Variants in MTUS2 observed in about 807,000 individuals in gnomAD.
The protein encoded by MTUS2 is microtubule associated scaffold protein 2.
Under a neutral mutation model 114.1 loss-of-function variants are expected in MTUS2, and 40 were observed. The observed-to-expected ratio is 0.35, with a 90% CI of 0.27 to 0.46. MTUS2 has a LOEUF of 0.46. Ranked by LOEUF, MTUS2 falls within the 20% of genes least tolerant of loss-of-function variation. MTUS2 has a pLI of 1.00. For missense variants in MTUS2, 1,679 were observed against 1,705.4 expected (o/e 0.98, Z 0.27); for synonymous variants, 688 against 672.0 (o/e 1.02, Z -0.37).
intron 5 of MTUS2, among the ~76,000 whole-genome samples, chr13:29,104,313 A>G (rs115072507): frequency 1.7e-3 from 253 of 151,940 alleles, no homozygotes; most frequent in African/African-American, 5.9e-3. Context: ...GATCAGGTTG[A>G]CTTGCCCTGG....
chr13:28,890,848 C>G (rs1262382509), intron 2 of MTUS2, among the ~76,000 whole-genome samples: 1 of 152,172 alleles, frequency 6.6e-6, no homozygotes, highest in Non-Finnish European at 1.5e-5. Context: ...AGGGATTCCA[C>G]TTCATTTGAG....
intron 1 of MTUS2, among the ~76,000 whole-genome samples, chr13:28,829,545 A>G (rs1480088337): frequency 1.3e-5 from 2 of 151,502 alleles, no homozygotes; most frequent in South Asian, 2.1e-4. Flanking sequence ...AAAAAAACAA[A>G]CAATAACTAA....
At chr13:28,952,304 C>T (rs993941079) in intron 2 of MTUS2, among the ~76,000 whole-genome samples, 2 of 152,160 alleles carry the variant, frequency 1.3e-5, no homozygotes, top group Admixed American at 6.5e-5. Flanking sequence ...ATTCTTGCTC[C>T]ATCAAATATA....
intron 5 of MTUS2, among the ~76,000 whole-genome samples, chr13:29,164,966 A>G (rs1893254934): frequency 6.6e-6 from 1 of 152,204 alleles, no homozygotes. Flanking sequence ...ATTTCTTAGA[A>G]ATTCAACTCT....
In MTUS2 at chr13:29,498,809, C is replaced by T. The variant is rs117656027; in HGVS notation, c.3798+272C>T. 5.7e-3 allele frequency among the ~76,000 whole-genome samples: 868 copies of T among 152,306 alleles called. 5 individuals are homozygous for T. The highest frequency in any genetic ancestry group is 0.031 in the Middle Eastern group (9 of 294). On this transcript the variant is annotated intron_variant, in intron 14 of 15. Coordinates refer to ENST00000612955, the MANE Select transcript of MTUS2 (RefSeq NM_001033602.4). ...TTTTCCCACAGTTGTGCTGTCTTCT[C>T]GCCCTCTCTTGGGGACGTGTGGGGA...
chr13:29,389,353 ATATATGTATGCACGTG>A (rs1872924610), intron 8 of MTUS2, among the ~76,000 whole-genome samples: 1 of 75,706 alleles, frequency 1.3e-5, no homozygotes, highest in Non-Finnish European at 2.6e-5. Context: ...ACGTGTGTGT[ATATATGTATGCACGTG>A]TGTGTATATA....
Position 29,341,756 on chromosome 13 carries a change from T to C in MTUS2, c.2905+17045T>C, listed in dbSNP as rs925600865. 2.5e-4 allele frequency among the ~76,000 whole-genome samples: 38 copies of C among 152,206 alleles called. 1 individual carries two copies. Among genetic ancestry groups the C allele is most frequent in the African/African-American group, 8.9e-4 (37 of 41,468 alleles). ...CAAGGGTTTTTCTGATGTTATCTTC[T>C]AGAATTTTTATGGTTTCTTTAATTT... is the stretch of plus-strand genomic sequence containing the variant. On this transcript the variant is annotated intron_variant, in intron 7 of 15. Coordinates refer to ENST00000612955, the MANE Select transcript of MTUS2 (RefSeq NM_001033602.4).
At chr13:29,291,870 T>C (rs1898731191) in intron 6 of MTUS2, among the ~76,000 whole-genome samples, 1 of 152,218 alleles carries the variant, frequency 6.6e-6, no homozygotes, top group East Asian at 1.9e-4. Context: ...AACCAGGACT[T>C]TCTTTTCTCA....
intron 5 of MTUS2, among the ~76,000 whole-genome samples, chr13:29,234,474 T>C (rs1896456485): frequency 6.6e-6 from 1 of 152,224 alleles, no homozygotes; most frequent in Non-Finnish European, 1.5e-5. Flanking sequence ...AATGACTACA[T>C]AGTATTCAGT....
chr13:29,184,246 C>G (rs897496035), intron 5 of MTUS2, among the ~76,000 whole-genome samples: 4 of 152,190 alleles, frequency 2.6e-5, no homozygotes, highest in Non-Finnish European at 4.4e-5. Flanking sequence ...TAACCCAACT[C>G]TATTAATATA....
chr13:29,178,693 A>AT (rs1893876079), intron 5 of MTUS2, among the ~76,000 whole-genome samples: 5 of 151,752 alleles, frequency 3.3e-5, no homozygotes, highest in African/African-American at 4.8e-5. Context: ...AAAAAAAAAA[A>AT]ATTTTTTTCT....
intron 2 of MTUS2, among the ~76,000 whole-genome samples, chr13:29,022,369 A>T (rs1886327607): frequency 1.3e-5 from 2 of 152,166 alleles, no homozygotes; most frequent in Admixed American, 6.5e-5. Flanking sequence ...GCTTTGTAAC[A>T]TATACATTTT....
chr13:29,357,199 A>G (rs867267049), intron 7 of MTUS2, among the ~76,000 whole-genome samples: 14 of 105,918 alleles, frequency 1.3e-4, no homozygotes, highest in African/African-American at 3.5e-4. Flanking sequence ...TGATGATGAT[A>G]TTATTATTAT....
intron 2 of MTUS2, among the ~76,000 whole-genome samples, chr13:28,998,226 T>G (rs1331740041): frequency 4.6e-5 from 7 of 152,348 alleles, no homozygotes; most frequent in African/African-American, 1.7e-4. Flanking sequence ...TCCCCCACTC[T>G]CTTCTGGCTT....
At chr13:29,276,341 T>C (rs1225250073) in intron 5 of MTUS2, among the ~76,000 whole-genome samples, 1 of 152,228 alleles carries the variant, frequency 6.6e-6, no homozygotes, top group Non-Finnish European at 1.5e-5. Context: ...TTTTCAGTCA[T>C]ATATATACCT....
rs144705124 is a variant in MTUS2, at chr13:28,968,257, G to C, written c.-242-56200G>C. 3.5e-3 allele frequency among the ~76,000 whole-genome samples: 537 copies of C among 152,136 alleles called. 3 individuals carry two copies. Among genetic ancestry groups the C allele is most frequent in the African/African-American group, 0.012 (518 of 41,510 alleles). The stretch of plus-strand genomic sequence containing the variant: ...AACCAAAATATATTTCATACTGTGA[G>C]GCTGGCCAAAGTACAAAATAAAGGC... On this transcript the variant is annotated intron_variant, in intron 2 of 15. Coordinates refer to ENST00000612955, the MANE Select transcript of MTUS2 (RefSeq NM_001033602.4).
At chr13:29,042,101 G>A (rs919752538) in intron 4 of MTUS2, among the ~76,000 whole-genome samples, 14 of 152,116 alleles carry the variant, frequency 9.2e-5, no homozygotes, top group South Asian at 4.1e-4. Context: ...TGGCTGTGGC[G>A]TTGTCATAGA....
chr13:28,838,371 G>C (rs906013093), intron 1 of MTUS2, among the ~76,000 whole-genome samples: 1 of 152,168 alleles, frequency 6.6e-6, no homozygotes, highest in South Asian at 2.1e-4. Flanking sequence ...ACATTGTGTT[G>C]GGGTGGTTGT....
intron 12 of MTUS2, among the ~76,000 whole-genome samples, chr13:29,493,577 G>C (rs779497551): frequency 1.4e-4 from 22 of 152,304 alleles, no homozygotes; most frequent in South Asian, 4.1e-4. Flanking sequence ...ACGTGGCACT[G>C]AGCCTGCCCC....
Sources: allele counts gnomAD v4.1 joint callset (sites outside exome capture counted in the v4.1 genomes callset), GRCh38; gene constraint gnomAD v4.1.1; transcripts MANE v1.5; gene names NCBI Gene and HGNC (gene_info 2026-07-23, HGNC 2026-07-21).